Variants in DPF3 observed in about 807,000 individuals in gnomAD.
The protein encoded by DPF3 is zinc finger protein DPF3.
Under a neutral mutation model 56.8 loss-of-function variants are expected in DPF3, and 18 were observed. The observed-to-expected ratio is 0.32, with a 90% CI of 0.22 to 0.47. The LOEUF (loss-of-function observed/expected upper bound fraction) is 0.47. Among genes scored for constraint, DPF3 ranks in the 20% least tolerant of loss-of-function variants. The pLI, the probability that DPF3 is intolerant of heterozygous loss-of-function variation, is 1.00. For synonymous variants in DPF3, 188 were observed against 180.2 expected (o/e 1.04, Z -0.35); for missense variants, 403 against 488.8 (o/e 0.82, Z 1.65).
intron 8 of DPF3, among the ~76,000 whole-genome samples, chr14:72,659,059 G>A (rs1886132956): frequency 6.6e-6 from 1 of 151,834 alleles, no homozygotes; most frequent in African/African-American, 2.4e-5. Context: ...TGCATCCCCT[G>A]AGCTGAGTCA....
chr14:72,840,530 TAC>T (rs372891838), intron 1 of DPF3, among the ~76,000 whole-genome samples: 1 of 151,930 alleles, frequency 6.6e-6, no homozygotes, highest in Admixed American at 6.6e-5. Flanking sequence ...CATGTAATTT[TAC>T]ACACACACAC....
chr14:72,754,860 T>C (rs1472083139), intron 2 of DPF3, among the ~76,000 whole-genome samples: 3 of 152,210 alleles, frequency 2.0e-5, no homozygotes, highest in Non-Finnish European at 4.4e-5. Flanking sequence ...TTATGTTTAA[T>C]CACACAGCTG....
intron 7 of DPF3, among the ~76,000 whole-genome samples, chr14:72,684,055 T>C (rs1397744379): frequency 1.3e-5 from 2 of 152,184 alleles, no homozygotes; most frequent in African/African-American, 2.4e-5. Flanking sequence ...CATATATATA[T>C]ATTTTCTTAG....
At chr14:72,842,448 G>C (rs902966081) in intron 1 of DPF3, among the ~76,000 whole-genome samples, 9 of 152,150 alleles carry the variant, frequency 5.9e-5, no homozygotes, top group African/African-American at 1.9e-4. Context: ...TCTCACAAAC[G>C]CAATGTTAAA....
At chr14:72,788,132 T>C (rs1011020937) in intron 1 of DPF3, among the ~76,000 whole-genome samples, 1 of 152,104 alleles carries the variant, frequency 6.6e-6, no homozygotes, top group Non-Finnish European at 1.5e-5. Flanking sequence ...GGCATGCACT[T>C]GGTAAGTGTT....
chr14:72,688,149 G>A (rs1463396916), intron 7 of DPF3, among the ~76,000 whole-genome samples: 1 of 133,766 alleles, frequency 7.5e-6, no homozygotes, highest in Non-Finnish European at 1.6e-5. Context: ...CAGATGAGAT[G>A]GATGATGGAT....
At chr14:72,779,363 A>C (rs1891877385) in intron 1 of DPF3, among the ~76,000 whole-genome samples, 1 of 152,198 alleles carries the variant, frequency 6.6e-6, no homozygotes. Flanking sequence ...TGCAAGCGCT[A>C]TAGCCCTACT....
chr14:72,773,950 T>C (rs1157654126), intron 1 of DPF3: 3 of 455,306 alleles, frequency 6.6e-6, no homozygotes, highest in African/African-American at 2.0e-5. Context: ...CTATTCTGAA[T>C]AATGCTGCTA....
At chr14:72,706,460 C>A (rs1599372537) in intron 6 of DPF3, among the ~76,000 whole-genome samples, 3 of 152,334 alleles carry the variant, frequency 2.0e-5, no homozygotes, top group Admixed American at 2.0e-4. Flanking sequence ...GTGGGGGAAA[C>A]CTTTGTCAAG....
At chr14:72,664,956 G>A (rs908417559) in intron 8 of DPF3, among the ~76,000 whole-genome samples, 8 of 152,182 alleles carry the variant, frequency 5.3e-5, no homozygotes, top group African/African-American at 1.9e-4. Flanking sequence ...TGGTACTTAG[G>A]CGGGTTTTCA....
At chr14:72,654,869 T>C (rs1208505610) in intron 8 of DPF3, among the ~76,000 whole-genome samples, 1 of 152,172 alleles carries the variant, frequency 6.6e-6, no homozygotes, top group Non-Finnish European at 1.5e-5. Context: ...TGGAGGGTCA[T>C]TATACAAAGT....
At chr14:72,678,851 A>G (rs1887029925) in intron 7 of DPF3, among the ~76,000 whole-genome samples, 1 of 152,232 alleles carries the variant, frequency 6.6e-6, no homozygotes, top group Admixed American at 6.5e-5. Context: ...GTGAGCCTTA[A>G]GAGTTTAGAA....
chr14:72,708,068 G>C (rs1888487991), intron 6 of DPF3, among the ~76,000 whole-genome samples: 1 of 152,214 alleles, frequency 6.6e-6, no homozygotes, highest in Non-Finnish European at 1.5e-5. Flanking sequence ...GAAACAGTTA[G>C]TGGAGAGCAA....
chr14:72,674,163 A>G (rs551944358), intron 8 of DPF3, 77 bp downstream of exon 8: 2 of 1,517,086 alleles, frequency 1.3e-6, no homozygotes, highest in East Asian at 2.4e-5. Flanking sequence ...AGTCTCCAGC[A>G]CCACAAGATG....
intron 1 of DPF3, among the ~76,000 whole-genome samples, chr14:72,859,479 C>G (rs865996595): frequency 7.3e-4 from 81 of 110,840 alleles, no homozygotes; most frequent in African/African-American, 1.6e-3. Flanking sequence ...TCCCCCCCCC[C>G]CCCCACACCA....
At chr14:72,698,910 C>A (rs1241594002) in intron 6 of DPF3, among the ~76,000 whole-genome samples, 3 of 152,134 alleles carry the variant, frequency 2.0e-5, no homozygotes, top group Non-Finnish European at 4.4e-5. Flanking sequence ...CACAGGGCCT[C>A]ACTTGTGGCA....
chr14:72,803,499 C>A (rs563044846), intron 1 of DPF3, among the ~76,000 whole-genome samples: 1 of 152,306 alleles, frequency 6.6e-6, no homozygotes, highest in Admixed American at 6.5e-5. Context: ...TGGCAATGGG[C>A]CATGAAAACC....
intron 1 of DPF3, among the ~76,000 whole-genome samples, chr14:72,888,736 A>G (rs1303128300): frequency 6.6e-6 from 1 of 152,218 alleles, no homozygotes; most frequent in African/African-American, 2.4e-5. Context: ...TGGGCAAAAA[A>G]TATTTCAGTG....
chr14:72,843,426 T>C (rs1374019723), intron 1 of DPF3, among the ~76,000 whole-genome samples: 1 of 152,178 alleles, frequency 6.6e-6, no homozygotes, highest in Non-Finnish European at 1.5e-5. Flanking sequence ...AGAGATCTGA[T>C]CAATGGTGAC....
Sources: gnomAD v4.1 joint callset for allele counts (sites outside exome capture counted in the v4.1 genomes callset) on GRCh38, gnomAD v4.1.1 for gene constraint, MANE v1.5 for transcripts, NCBI Gene and HGNC (gene_info 2026-07-23, HGNC 2026-07-21) for gene names.